Variants in ARHGAP42 observed in about 807,000 individuals in gnomAD.
The protein encoded by ARHGAP42 is rho GTPase-activating protein 42.
In ARHGAP42, 63 loss-of-function variants were observed where a neutral mutation model predicts 125.0. The observed-to-expected ratio is 0.50, with a 90% confidence interval of 0.41 to 0.62. The LOEUF (loss-of-function observed/expected upper bound fraction) is 0.62. Among genes scored for constraint, ARHGAP42 ranks in the 20% least tolerant of loss-of-function variants. ARHGAP42 has a pLI of 0.00. For synonymous variants in ARHGAP42, 339 were observed against 351.0 expected (o/e 0.97, Z 0.38); for missense variants, 766 against 1,024.2 (o/e 0.75, Z 3.44).
intron 22 of ARHGAP42, among the ~76,000 whole-genome samples, chr11:100,979,961 A>T (rs965059448): frequency 6.6e-6 from 1 of 152,188 alleles, no homozygotes; most frequent in Admixed American, 6.5e-5. Flanking sequence ...AAGTATATGG[A>T]CTTTTTCAGC....
chr11:100,750,935 AC>A (rs1315407284), intron 1 of ARHGAP42, among the ~76,000 whole-genome samples: 1 of 135,452 alleles, frequency 7.4e-6, no homozygotes, highest in Non-Finnish European at 1.6e-5. Flanking sequence ...CTTGATGTAT[AC>A]TTTTTTTTTT....
At position 100,949,938 on chromosome 11, in the gene ARHGAP42, A is replaced by G. The variant is rs775486582; in HGVS notation, c.1144A>G (p.Ile382Val). ...KEPIYTLPAI[I>V]SKKEEMYLNE... ...TTAGATTTATACTCTGCCTGCCATT[A>G]TAAGCAAGAAAGAAGAAAGTAAGTC... The change falls in exon 12 of 24, where the codon ATA becomes GTA. Residue 382 changes from isoleucine (I) to valine (V), a missense_variant. Coordinates refer to ENST00000298815, the MANE Select transcript of ARHGAP42 (RefSeq NM_152432.4). 7 of 1,477,130 alleles carry G rather than the reference A, an allele frequency of 4.7e-6. No individual in the cohort carries two copies. Among genetic ancestry groups the G allele is most frequent in the Non-Finnish European group, 5.5e-6 (6 of 1,088,432 alleles). 91.5% of individuals were successfully genotyped at this position (1,477,130 alleles called of 1,614,324 possible). A position where few individuals can be genotyped will look rare whatever the true frequency, so the allele number is the denominator to read the frequency against.
At chr11:100,872,172 A>T (rs1865712702) in intron 4 of ARHGAP42, among the ~76,000 whole-genome samples, 3 of 152,234 alleles carry the variant, frequency 2.0e-5, no homozygotes, top group South Asian at 2.1e-4. Context: ...CCCAAAGAGT[A>T]TCTGGATACT....
At chr11:100,939,469 A>G (rs922985553) in intron 8 of ARHGAP42, among the ~76,000 whole-genome samples, 1 of 152,160 alleles carries the variant, frequency 6.6e-6, no homozygotes, top group African/African-American at 2.4e-5. Context: ...AACTTCAGTC[A>G]CATGCCCTAT....
At chr11:100,779,755 G>T (rs1025609465) in intron 2 of ARHGAP42, among the ~76,000 whole-genome samples, 2 of 151,566 alleles carry the variant, frequency 1.3e-5, no homozygotes, top group Non-Finnish European at 2.9e-5. Flanking sequence ...GCTGGGTGCG[G>T]TGACTCACAT....
intron 1 of ARHGAP42, among the ~76,000 whole-genome samples, chr11:100,711,811 G>A (rs1050404431): frequency 3.9e-5 from 6 of 152,228 alleles, no homozygotes; most frequent in Admixed American, 1.3e-4. Flanking sequence ...GATGAAAACA[G>A]CTGTTAGCCT....
At chr11:100,799,954 G>T (rs1863812954) in intron 3 of ARHGAP42, among the ~76,000 whole-genome samples, 2 of 152,160 alleles carry the variant, frequency 1.3e-5, no homozygotes, top group East Asian at 1.9e-4. Flanking sequence ...TATTTAATGT[G>T]CCCAGGAGTT....
intron 3 of ARHGAP42, among the ~76,000 whole-genome samples, chr11:100,853,341 T>C (rs1431532599): frequency 2.0e-5 from 3 of 152,164 alleles, no homozygotes; most frequent in Non-Finnish European, 4.4e-5. Context: ...TGGTGATAAG[T>C]AGATAAGTGG....
intron 3 of ARHGAP42, among the ~76,000 whole-genome samples, chr11:100,856,940 C>A (rs184911830): frequency 6.6e-6 from 1 of 152,038 alleles, no homozygotes; most frequent in African/African-American, 2.4e-5. Flanking sequence ...AGTTTTGGCA[C>A]TTAGATTCAA....
At chr11:100,774,894 C>T (rs960878023) in intron 2 of ARHGAP42, among the ~76,000 whole-genome samples, 5 of 152,010 alleles carry the variant, frequency 3.3e-5, no homozygotes, top group African/African-American at 9.7e-5. Context: ...TTTTGTTTTG[C>T]GCCAGTGACA....
intron 4 of ARHGAP42, among the ~76,000 whole-genome samples, chr11:100,907,720 A>T: frequency 6.6e-6 from 1 of 152,314 alleles, no homozygotes; most frequent in East Asian, 1.9e-4. Context: ...AGAGGTGGTG[A>T]TGCTGCTGTG....
intron 1 of ARHGAP42, among the ~76,000 whole-genome samples, chr11:100,692,561 T>G (rs61908744): frequency 0.22 from 33,317 of 152,134 alleles, 3,864 homozygotes; most frequent in Non-Finnish European, 0.25. Context: ...AAGGCCTTCC[T>G]TCCATCAGAA....
chr11:100,854,460 G>C (rs985632033), intron 3 of ARHGAP42, among the ~76,000 whole-genome samples: 2 of 152,148 alleles, frequency 1.3e-5, no homozygotes, highest in Non-Finnish European at 2.9e-5. Context: ...TGAATGACTA[G>C]TATCCAGATA....
chr11:100,973,474 T>A, intron 18 of ARHGAP42, 140 bp downstream of exon 18: 1 of 866,636 alleles, frequency 1.2e-6, no homozygotes, highest in Non-Finnish European at 1.8e-6. Context: ...TTGTTGTTTT[T>A]AAGTGCTTCT....
chr11:100,905,586 C>CT (rs1340370361), intron 4 of ARHGAP42, among the ~76,000 whole-genome samples: 13 of 151,636 alleles, frequency 8.6e-5, no homozygotes, highest in Non-Finnish European at 1.8e-4. Context: ...TCTATGATTA[C>CT]TTTTTTTGCC....
intron 17 of ARHGAP42, among the ~76,000 whole-genome samples, chr11:100,970,505 T>G (rs916535354): frequency 3.3e-5 from 5 of 152,096 alleles, no homozygotes; most frequent in African/African-American, 7.2e-5. Context: ...TTTCACTAAC[T>G]GCTAGTAGAT....
intron 4 of ARHGAP42, among the ~76,000 whole-genome samples, chr11:100,870,755 A>G (rs1200418532): frequency 6.6e-6 from 1 of 152,200 alleles, no homozygotes; most frequent in African/African-American, 2.4e-5. Context: ...AAACAGGAGT[A>G]TGTTTCAAGC....
At chr11:100,728,409 G>A (rs1354755380) in intron 1 of ARHGAP42, among the ~76,000 whole-genome samples, 2 of 152,078 alleles carry the variant, frequency 1.3e-5, no homozygotes. Context: ...CTTCCCCTGA[G>A]AGAGAGAAAG....
chr11:100,974,552 G>C lies in ARHGAP42; in HGVS notation c.1804G>C (p.Gly602Arg). ...RRTRAICLST[G>R]SRKPRGRYTP... ...GACACGAGCAATCTGCCTCTCTACA[G>C]GGTCTAGGAAGCCCAGAGGGAGGTA... is the stretch of plus-strand genomic sequence containing the variant. Residue 602 changes from glycine (G) to arginine (R), a missense_variant, in exon 19 of 24, where the codon GGG becomes CGG. Coordinates refer to ENST00000298815, the MANE Select transcript of ARHGAP42 (RefSeq NM_152432.4). The C allele has an allele frequency of 6.4e-7, 1 of 1,551,108 alleles. No individual in the cohort carries two copies. Among genetic ancestry groups the C allele is most frequent in the Non-Finnish European group, 8.7e-7 (1 of 1,146,650 alleles).
Sources: allele counts gnomAD v4.1 joint callset (sites outside exome capture counted in the v4.1 genomes callset), GRCh38; gene constraint gnomAD v4.1.1; transcripts MANE v1.5; gene names NCBI Gene and HGNC (gene_info 2026-07-23, HGNC 2026-07-21).